Variants in NKAIN2 observed in about 807,000 individuals in gnomAD.
NKAIN2 encodes sodium/potassium transporting ATPase interacting 2, also known as sodium/potassium-transporting ATPase subunit beta-1-interacting protein 2.
A neutral mutation model predicts 32.6 loss-of-function variants in NKAIN2; 14 were observed. The ratio of observed to expected loss-of-function variants is 0.43; its 90% CI spans 0.28 to 0.67. NKAIN2 has a LOEUF of 0.67. NKAIN2 is among the 30% of genes least tolerant of loss of function. NKAIN2 has a pLI of 0.17. For missense variants in NKAIN2, 198 were observed against 258.3 expected (o/e 0.77, Z 1.60); for synonymous variants, 80 against 87.2 (o/e 0.92, Z 0.46).
intron 4 of NKAIN2, among the ~76,000 whole-genome samples, chr6:124,698,323 G>A (rs530486009): frequency 1.3e-5 from 2 of 152,186 alleles, no homozygotes; most frequent in South Asian, 4.1e-4. Flanking sequence ...AATTTTTTAT[G>A]TTAGAAATCT....
chr6:124,585,340 A>G (rs1583476978), intron 3 of NKAIN2, among the ~76,000 whole-genome samples: 1 of 152,174 alleles, frequency 6.6e-6, no homozygotes, highest in Non-Finnish European at 1.5e-5. Flanking sequence ...GGGTTAGTGG[A>G]GGTGGTTAAT....
chr6:124,752,195 G>A (rs534307624), intron 4 of NKAIN2, among the ~76,000 whole-genome samples: 3 of 151,694 alleles, frequency 2.0e-5, no homozygotes, highest in Non-Finnish European at 4.4e-5. Context: ...CTGTCAGAAG[G>A]GGGTGACTTA....
At chr6:123,994,603 C>A (rs1779542880) in intron 1 of NKAIN2, among the ~76,000 whole-genome samples, 1 of 152,068 alleles carries the variant, frequency 6.6e-6, no homozygotes, top group Non-Finnish European at 1.5e-5. Context: ...TAACTGGTGC[C>A]CTTGCATATG....
intron 1 of NKAIN2, among the ~76,000 whole-genome samples, chr6:123,883,663 T>C (rs1317290345): frequency 1.5e-5 from 2 of 135,122 alleles, no homozygotes; most frequent in Non-Finnish European, 3.2e-5. Flanking sequence ...TTTTTTAAAA[T>C]TTTAAAAAAC....
chr6:124,806,545 T>A (rs1780572305), intron 5 of NKAIN2, among the ~76,000 whole-genome samples: 1 of 151,864 alleles, frequency 6.6e-6, no homozygotes, highest in African/African-American at 2.4e-5. Flanking sequence ...TGCCAAAATG[T>A]AAAGACCATC....
At chr6:124,060,598 A>G (rs750703379) in intron 1 of NKAIN2, among the ~76,000 whole-genome samples, 4 of 152,152 alleles carry the variant, frequency 2.6e-5, no homozygotes, top group Non-Finnish European at 5.9e-5. Flanking sequence ...CCAAAATGTA[A>G]GTTATGTCTG....
At chr6:123,974,945 A>G (rs1778489540) in intron 1 of NKAIN2, among the ~76,000 whole-genome samples, 1 of 152,188 alleles carries the variant, frequency 6.6e-6, no homozygotes, top group South Asian at 2.1e-4. Context: ...AAATGTTAGC[A>G]TGCTTGACCT....
At chr6:123,923,524 A>AT in intron 1 of NKAIN2, among the ~76,000 whole-genome samples, 1 of 152,088 alleles carries the variant, frequency 6.6e-6, no homozygotes, top group East Asian at 1.9e-4. Context: ...CACAATAGCA[A>AT]AGACTTGGAA....
intron 1 of NKAIN2, among the ~76,000 whole-genome samples, chr6:124,070,988 G>C (rs1410094342): frequency 6.6e-6 from 1 of 152,138 alleles, no homozygotes; most frequent in South Asian, 2.1e-4. Context: ...TCATGGTTAG[G>C]GGCTGAGCAC....
chr6:124,130,496 G>T (rs1418150974), intron 1 of NKAIN2, among the ~76,000 whole-genome samples: 1 of 151,490 alleles, frequency 6.6e-6, no homozygotes, highest in Non-Finnish European at 1.5e-5. Flanking sequence ...TAAAATAATT[G>T]TAAATATGTA....
At chr6:124,688,095 C>G (rs758227908) in intron 4 of NKAIN2, among the ~76,000 whole-genome samples, 12 of 151,912 alleles carry the variant, frequency 7.9e-5, no homozygotes, top group Non-Finnish European at 1.6e-4. Flanking sequence ...TTTCTAATCT[C>G]CCAAATTTGA....
chr6:124,291,941 A>C (rs1795832026), intron 2 of NKAIN2, among the ~76,000 whole-genome samples: 1 of 151,958 alleles, frequency 6.6e-6, no homozygotes, highest in African/African-American at 2.4e-5. Context: ...TCAGTTGTCA[A>C]ACCTTCAGAG....
intron 3 of NKAIN2, among the ~76,000 whole-genome samples, chr6:124,646,886 G>T (rs9491209): frequency 0.017 from 2,579 of 152,148 alleles, 73 homozygotes; most frequent in African/African-American, 0.06. Context: ...GGGAGGCGGA[G>T]GTTGTAGTGA....
intron 1 of NKAIN2, among the ~76,000 whole-genome samples, chr6:124,199,511 C>A (rs1790502450): frequency 6.6e-6 from 1 of 152,134 alleles, no homozygotes; most frequent in Admixed American, 6.6e-5. Flanking sequence ...TGAAAAGTGT[C>A]ATTGCCAGGG....
intron 3 of NKAIN2, among the ~76,000 whole-genome samples, chr6:124,481,474 T>G (rs1777448902): frequency 6.6e-6 from 1 of 152,110 alleles, no homozygotes; most frequent in South Asian, 2.1e-4. Flanking sequence ...TCTGTCATTA[T>G]CAATAGAAAA....
chr6:124,446,450 C>T (rs1775897562), intron 3 of NKAIN2, among the ~76,000 whole-genome samples: 1 of 152,016 alleles, frequency 6.6e-6, no homozygotes, highest in Admixed American at 6.6e-5. Flanking sequence ...TCAAGTGATC[C>T]TCCCACCTCA....
chr6:124,694,379 T>G (rs1774395515), intron 4 of NKAIN2, among the ~76,000 whole-genome samples: 1 of 152,184 alleles, frequency 6.6e-6, no homozygotes, highest in African/African-American at 2.4e-5. Context: ...CCCTTTCAAC[T>G]TTGCATAAAT....
intron 3 of NKAIN2, among the ~76,000 whole-genome samples, chr6:124,373,314 T>C (rs1257395213): frequency 6.6e-6 from 1 of 152,060 alleles, no homozygotes; most frequent in Non-Finnish European, 1.5e-5. Context: ...TTTGTTGACA[T>C]GAGAAAGACA....
chr6:124,763,858 T>G (rs1362342613), intron 4 of NKAIN2, among the ~76,000 whole-genome samples: 1 of 152,210 alleles, frequency 6.6e-6, no homozygotes, highest in Non-Finnish European at 1.5e-5. Flanking sequence ...AAGCTCTATA[T>G]TAACAGTAGT....
Sources: gnomAD v4.1 joint callset for allele counts (sites outside exome capture counted in the v4.1 genomes callset) on GRCh38, gnomAD v4.1.1 for gene constraint, MANE v1.5 for transcripts, NCBI Gene and HGNC (gene_info 2026-07-23, HGNC 2026-07-21) for gene names.